NAV2: variants seen among roughly 807,000 people sequenced by gnomAD.
NAV2 encodes the protein helicase, APC down-regulated 1.
In NAV2, 54 loss-of-function variants were observed where a neutral mutation model predicts 223.2. The ratio of observed to expected loss-of-function variants is 0.24; its 90% confidence interval spans 0.19 to 0.30. The LOEUF is 0.30. Ranked by LOEUF, NAV2 falls within the 10% of genes least tolerant of loss-of-function variation. The pLI is 1.00. For missense variants in NAV2, 2,806 were observed against 3,147.5 expected, an observed-to-expected ratio of 0.89 and a Z score of 2.60; for synonymous variants, 1,279 against 1,239.3, an observed-to-expected ratio of 1.03 and a Z score of -0.67.
chr11:19,629,681 T>C (rs1459812641), intron 1 of NAV2, among the ~76,000 whole-genome samples: 2 of 152,062 alleles, frequency 1.3e-5, no homozygotes, highest in African/African-American at 2.4e-5. Context: ...AAATAGGTCC[T>C]AGACAGGGAC....
At chr11:19,783,983 C>G (rs534659064) in intron 1 of NAV2, among the ~76,000 whole-genome samples, 1 of 152,136 alleles carries the variant, frequency 6.6e-6, no homozygotes, top group East Asian at 1.9e-4. Context: ...AGATAATAAG[C>G]AAAACATGTT....
chr11:19,435,981 A>G (rs927304955), intron 1 of NAV2, among the ~76,000 whole-genome samples: 3 of 152,012 alleles, frequency 2.0e-5, no homozygotes, highest in African/African-American at 7.2e-5. Flanking sequence ...TCCTTATCCA[A>G]TGTATGATTT....
intron 1 of NAV2, among the ~76,000 whole-genome samples, chr11:19,480,383 T>C (rs950705364): frequency 5.9e-5 from 9 of 152,138 alleles, no homozygotes; most frequent in African/African-American, 2.2e-4. Context: ...ATGTAGCTTG[T>C]GTGGCTGACC....
intron 1 of NAV2, among the ~76,000 whole-genome samples, chr11:19,792,779 C>T (rs1341040388): frequency 6.6e-6 from 1 of 152,088 alleles, no homozygotes; most frequent in Non-Finnish European, 1.5e-5. Context: ...CACATTCTTC[C>T]TTGGAAGTTA....
chr11:19,872,692 A>G (rs935131766), intron 4 of NAV2, among the ~76,000 whole-genome samples: 2 of 152,204 alleles, frequency 1.3e-5, no homozygotes, highest in African/African-American at 4.8e-5. Context: ...CTGTCCTCAA[A>G]GCATTTCAGC....
chr11:19,470,851 A>G (rs1303450112), intron 1 of NAV2, among the ~76,000 whole-genome samples: 3 of 152,152 alleles, frequency 2.0e-5, no homozygotes, highest in African/African-American at 7.2e-5. Context: ...CCTGAGGGAC[A>G]TAGGGGATAA....
chr11:20,084,037 C>G (rs955925039), intron 26 of NAV2, among the ~76,000 whole-genome samples: 2 of 152,206 alleles, frequency 1.3e-5, no homozygotes, highest in Non-Finnish European at 2.9e-5. Flanking sequence ...AGTATACCAA[C>G]TGCATGGGAG....
At chr11:19,387,136 C>T (rs1849074062) in intron 1 of NAV2, among the ~76,000 whole-genome samples, 1 of 152,204 alleles carries the variant, frequency 6.6e-6, no homozygotes, top group South Asian at 2.1e-4. Context: ...CACACACTCT[C>T]TGTATACACA....
chr11:19,916,635 A>G (rs1300252840), intron 6 of NAV2, among the ~76,000 whole-genome samples: 1 of 152,252 alleles, frequency 6.6e-6, no homozygotes, highest in South Asian at 2.1e-4. Flanking sequence ...GATGAATGAA[A>G]CAGAGCCCCA....
At chr11:19,927,326 A>G (rs2044858942) in intron 6 of NAV2, among the ~76,000 whole-genome samples, 1 of 152,214 alleles carries the variant, frequency 6.6e-6, no homozygotes, top group African/African-American at 2.4e-5. Flanking sequence ...TCACGCCTGT[A>G]ATCCCAGCAC....
chr11:19,639,188 G>A (rs1292802874), intron 1 of NAV2, among the ~76,000 whole-genome samples: 1 of 152,150 alleles, frequency 6.6e-6, no homozygotes, highest in African/African-American at 2.4e-5. Context: ...TGCCTAAAAT[G>A]TTTGCTCAAA....
At chr11:20,103,859 C>A in intron 34 of NAV2, 135 bp downstream of exon 34, 1 of 804,820 alleles carries the variant, frequency 1.2e-6, no homozygotes, top group Non-Finnish European at 2.1e-6. Context: ...CAGCTTAATC[C>A]ATTTAATTTT....
intron 1 of NAV2, among the ~76,000 whole-genome samples, chr11:19,766,013 C>T (rs1461546463): frequency 6.6e-6 from 1 of 152,156 alleles, no homozygotes; most frequent in African/African-American, 2.4e-5. Flanking sequence ...TCATTCCTCA[C>T]TCTCCCTCCC....
chr11:19,839,537 T>C (rs781035237), intron 2 of NAV2, among the ~76,000 whole-genome samples: 2 of 152,182 alleles, frequency 1.3e-5, no homozygotes, highest in Non-Finnish European at 2.9e-5. Flanking sequence ...TGTAGGACTA[T>C]CCCTTCTTTC....
intron 1 of NAV2, among the ~76,000 whole-genome samples, chr11:19,738,365 G>A (rs2052511866): frequency 1.3e-5 from 2 of 152,242 alleles, no homozygotes; most frequent in African/African-American, 2.4e-5. Flanking sequence ...TGCCCAGGCC[G>A]GATTTCCAGT....
intron 7 of NAV2, among the ~76,000 whole-genome samples, chr11:19,936,919 C>G (rs1161887807): frequency 6.6e-6 from 1 of 152,168 alleles, no homozygotes; most frequent in Non-Finnish European, 1.5e-5. Flanking sequence ...GGGCAGATCA[C>G]TTGAGGTCAG....
chr11:19,975,324 A>C (rs1336857233), intron 10 of NAV2, among the ~76,000 whole-genome samples: 1 of 152,190 alleles, frequency 6.6e-6, no homozygotes, highest in Non-Finnish European at 1.5e-5. Flanking sequence ...TTAAAATTTT[A>C]CATATCTCTA....
chr11:19,539,068 A>T (rs2044268282), intron 1 of NAV2, among the ~76,000 whole-genome samples: 1 of 152,138 alleles, frequency 6.6e-6, no homozygotes, highest in Admixed American at 6.5e-5. Context: ...GTCATTTCTC[A>T]TCCCTCTCCC....
chr11:19,868,168 A>G (rs1565460833), intron 3 of NAV2, among the ~76,000 whole-genome samples: 1 of 152,230 alleles, frequency 6.6e-6, no homozygotes, highest in Non-Finnish European at 1.5e-5. Context: ...CTCTGTGCCA[A>G]GTCTAAAGCA....
Sources: gnomAD v4.1 joint callset for allele counts (sites outside exome capture counted in the v4.1 genomes callset) on GRCh38, gnomAD v4.1.1 for gene constraint, MANE v1.5 for transcripts, NCBI Gene and HGNC (gene_info 2026-07-23, HGNC 2026-07-21) for gene names.